Variants in UBE2QL1 observed in about 807,000 individuals in gnomAD.
The protein encoded by UBE2QL1 is ubiquitin conjugating enzyme E2 QL1, also known as ubiquitin-conjugating enzyme E2Q-like protein 1.
UBE2QL1 carries 5 observed loss-of-function variants against 12.6 expected under a neutral mutation model. The observed-to-expected ratio is 0.40, with a 90% confidence interval of 0.21 to 0.83. The LOEUF (loss-of-function observed/expected upper bound fraction) is 0.83, where lower values mean the gene tolerates loss of function less well. UBE2QL1 is among the 40% of genes least tolerant of loss of function. The pLI, the probability that UBE2QL1 is intolerant of heterozygous loss-of-function variation, is 0.37. For synonymous variants in UBE2QL1, 96 were observed against 94.5 expected (o/e 1.02, Z -0.10); for missense variants, 99 against 222.6 (o/e 0.44, Z 3.53).
chr5:6,467,409 C>T (rs965615964), intron 1 of UBE2QL1, among the ~76,000 whole-genome samples: 7 of 152,098 alleles, frequency 4.6e-5, no homozygotes, highest in Admixed American at 3.3e-4. Context: ...GGCTTGTAGA[C>T]ATCATCTTCT....
intron 1 of UBE2QL1, among the ~76,000 whole-genome samples, chr5:6,466,899 C>T (rs1182245798): frequency 1.3e-5 from 2 of 152,178 alleles, no homozygotes; most frequent in Non-Finnish European, 2.9e-5. Context: ...AGAAAACACA[C>T]CAGCAGGACG....
At chr5:6,466,686 T>C (rs1007577771) in intron 1 of UBE2QL1, among the ~76,000 whole-genome samples, 1 of 152,256 alleles carries the variant, frequency 6.6e-6, no homozygotes, top group Non-Finnish European at 1.5e-5. Context: ...TGGACATTTT[T>C]AGCCACAAAG....
Position 6,492,153 on chromosome 5 carries a change from C to T in UBE2QL1, c.*804C>T, listed in dbSNP as rs1734584613. ...GATGGTCAGCTGCGAACAGTCTCGT[C>T]CGATGTTAGGAAATGGTCCTACGGC... On this transcript the variant is annotated 3_prime_UTR_variant, in exon 2 of 2. Coordinates refer to ENST00000399816, the MANE Select transcript of UBE2QL1 (RefSeq NM_001145161.3). 1 of 152,240 alleles carries T rather than the reference C, an allele frequency of 6.6e-6. No individual in the cohort carries two copies. The highest frequency in any genetic ancestry group is 2.4e-5 in the African/African-American group (1 of 41,456). The allele number at this position is 152,240 out of a possible 1,614,324, so 9.4% of individuals were successfully genotyped here.
At chr5:6,449,634 C>G (rs1177855597) in intron 1 of UBE2QL1, among the ~76,000 whole-genome samples, 1 of 151,796 alleles carries the variant, frequency 6.6e-6, no homozygotes, top group African/African-American at 2.4e-5. Flanking sequence ...TGGACTCTTT[C>G]TCCTCTCACC....
At chr5:6,455,852 A>C (rs544621739) in intron 1 of UBE2QL1, among the ~76,000 whole-genome samples, 3 of 152,038 alleles carry the variant, frequency 2.0e-5, no homozygotes, top group African/African-American at 7.2e-5. Context: ...TCCCTGTCCT[A>C]GGTCAACCCT....
Position 6,491,200 on chromosome 5 carries a change from T to C in UBE2QL1, c.355-18T>C, listed in dbSNP as rs1734561146. On this transcript the variant is annotated intron_variant, in intron 1 of 1. Transcript: ENST00000399816. Reference sequence around the variant, plus strand: ...CCCAGTGACGTTCTAACCTGGTTTTTCTTCTCATCTCACGCAGGGACGGAT... The same window carrying C: ...CCCAGTGACGTTCTAACCTGGTTTTCCTTCTCATCTCACGCAGGGACGGAT... 5.3e-6 allele frequency: 8 copies of C among 1,522,682 alleles called. No homozygotes were observed. Among genetic ancestry groups the C allele is most frequent in the Non-Finnish European group, 7.0e-6 (8 of 1,136,158 alleles). 94.3% of individuals were successfully genotyped at this position (1,522,682 alleles called of 1,614,324 possible).
chr5:6,461,540 A>ACCCCCCCCCCCCCCCC (rs71606052), intron 1 of UBE2QL1, among the ~76,000 whole-genome samples: 22 of 46,772 alleles, frequency 4.7e-4, no homozygotes, highest in Non-Finnish European at 7.7e-4. Context: ...TTCAGCACCC[A>ACCCCCCCCCCCCCCCC]CCACCCCCCC....
At chr5:6,454,845 T>C (rs1739486093) in intron 1 of UBE2QL1, among the ~76,000 whole-genome samples, 1 of 152,000 alleles carries the variant, frequency 6.6e-6, no homozygotes, top group Admixed American at 6.5e-5. Flanking sequence ...GGCACGGAGA[T>C]TATTGCCACC....
At chr5:6,458,043 A>G (rs1739566020) in intron 1 of UBE2QL1, among the ~76,000 whole-genome samples, 1 of 152,244 alleles carries the variant, frequency 6.6e-6, no homozygotes, top group East Asian at 1.9e-4. Flanking sequence ...ACCGTAGGAG[A>G]AAGATAATTA....
At chr5:6,458,682 G>A (rs1739586103) in intron 1 of UBE2QL1, among the ~76,000 whole-genome samples, 1 of 152,114 alleles carries the variant, frequency 6.6e-6, no homozygotes, top group Admixed American at 6.6e-5. Flanking sequence ...ATTTGTGCTG[G>A]AGTCCCTCAT....
chr5:6,484,839 C>T (rs1734433553), intron 1 of UBE2QL1, among the ~76,000 whole-genome samples: 1 of 151,858 alleles, frequency 6.6e-6, no homozygotes, highest in Non-Finnish European at 1.5e-5. Flanking sequence ...GATTCGGAAC[C>T]CACCAGGCTG....
Position 6,476,665 on chromosome 5 carries a change from GGC to G in UBE2QL1, c.355-14552_355-14551del, listed in dbSNP as rs1734235469. Reference sequence around the variant, plus strand: ...AGCAAAGCACACTCTGCGAATGCATGGCAGGTTTGGGGCAGTACCTTTTGGTT... The same window carrying G: ...AGCAAAGCACACTCTGCGAATGCATGAGGTTTGGGGCAGTACCTTTTGGTT... On this transcript the variant is annotated intron_variant, in intron 1 of 1. Transcript: ENST00000399816. This position sits in a 1 kb window ranked among gnomAD's most constrained non-coding sequence, Gnocchi z 4.9. Among the ~76,000 whole-genome samples, 1 of 152,334 alleles carries G rather than the reference GGC, an allele frequency of 6.6e-6. No homozygotes were observed. Among genetic ancestry groups the G allele is most frequent in the African/African-American group, 2.4e-5 (1 of 41,562 alleles).
chr5:6,482,012 T>A (rs1372198962), intron 1 of UBE2QL1, among the ~76,000 whole-genome samples: 1 of 152,142 alleles, frequency 6.6e-6, no homozygotes, highest in Non-Finnish European at 1.5e-5. Context: ...CAGAAGTCAT[T>A]GAGTTGAGAG....
intron 1 of UBE2QL1, among the ~76,000 whole-genome samples, chr5:6,480,580 A>G (rs1277121298): frequency 6.6e-6 from 1 of 152,248 alleles, no homozygotes; most frequent in East Asian, 1.9e-4. Context: ...TTACATTTTT[A>G]GCAAAAAGTT....
At chr5:6,483,487 A>C (rs1734404984) in intron 1 of UBE2QL1, among the ~76,000 whole-genome samples, 3 of 151,662 alleles carry the variant, frequency 2.0e-5, no homozygotes, top group Admixed American at 2.0e-4. Flanking sequence ...GATGCACGGC[A>C]GGTGTGTTTG....
chr5:6,456,249 A>G (rs749752764), intron 1 of UBE2QL1, among the ~76,000 whole-genome samples: 8 of 152,196 alleles, frequency 5.3e-5, no homozygotes, highest in Non-Finnish European at 1.2e-4. Flanking sequence ...TTTAGGAAAT[A>G]TCCATGGATC....
chr5:6,486,865 A>T (rs1734477761), intron 1 of UBE2QL1, among the ~76,000 whole-genome samples: 1 of 152,196 alleles, frequency 6.6e-6, no homozygotes, highest in East Asian at 1.9e-4. Flanking sequence ...CTAGTGGGTA[A>T]AGGTCAAGGA....
intron 1 of UBE2QL1, among the ~76,000 whole-genome samples, chr5:6,450,885 G>A (rs1224452686): frequency 6.6e-6 from 1 of 152,226 alleles, no homozygotes; most frequent in Non-Finnish European, 1.5e-5. Flanking sequence ...CCATCCTGCA[G>A]TTACATGTTG....
chr5:6,471,791 G>A (rs759926373), intron 1 of UBE2QL1, among the ~76,000 whole-genome samples: 9 of 152,226 alleles, frequency 5.9e-5, no homozygotes, highest in Non-Finnish European at 1.0e-4. Flanking sequence ...TCCGTAGGTA[G>A]GATCTTGTTT....
Sources: allele counts gnomAD v4.1 joint callset (sites outside exome capture counted in the v4.1 genomes callset), GRCh38; gene constraint gnomAD v4.1.1; non-coding constraint Gnocchi (gnomAD v3.1); transcripts MANE v1.5; gene names NCBI Gene and HGNC (gene_info 2026-07-23, HGNC 2026-07-21).